AR: variants seen among roughly 807,000 people sequenced by gnomAD.
AR encodes the protein androgen receptor, also known as dihydrotestosterone receptor.
Under a neutral mutation model 53.9 loss-of-function variants are expected in AR, and 8 were observed. The observed-to-expected ratio is 0.15, with a 90% CI of 0.09 to 0.27. The LOEUF is 0.27. AR is among the 10% of genes least tolerant of loss of function. The probability of loss-of-function intolerance (pLI) is 1.00; values close to 1 mark genes in which losing one functional copy is unlikely to be tolerated. For missense variants in AR, 639 were observed against 742.5 expected, an observed-to-expected ratio of 0.86 and a Z score of 1.62; for synonymous variants, 359 against 316.4, an observed-to-expected ratio of 1.13 and a Z score of -1.43.
rs190357699 is a variant in AR, at chrX:67,564,914, T to C, written c.1616+18152T>C. ...TTCCCCCTGGTTTTCATCTTGTAAATCTGTAATCCTAAAAATTAGCAAAAC... is the reference window on the plus strand; with the variant it reads ...TTCCCCCTGGTTTTCATCTTGTAAACCTGTAATCCTAAAAATTAGCAAAAC... On this transcript the variant is annotated intron_variant, in intron 1 of 7. Transcript: ENST00000374690. 6.3e-5 allele frequency among the ~76,000 whole-genome samples: 7 copies of C among 111,926 alleles called. No individual in the cohort carries two copies. The East Asian group carries it at 1.1e-3, about 18-fold the overall frequency.
chrX:67,599,638 A>G (rs1390003305), intron 1 of AR, among the ~76,000 whole-genome samples: 2 of 112,046 alleles, frequency 1.8e-5, no homozygotes, highest in African/African-American at 6.5e-5. Context: ...ACCAACAAAA[A>G]TGAGTCCATG....
chrX:67,696,119 G>C, intron 3 of AR: 1 of 726,614 alleles, frequency 1.4e-6, no homozygotes, highest in Non-Finnish European at 1.6e-6. Flanking sequence ...AATTAATGCT[G>C]TTAACATTGG....
intron 2 of AR, among the ~76,000 whole-genome samples, chrX:67,672,639 A>G (rs774735907): frequency 7.2e-5 from 8 of 111,236 alleles, no homozygotes; most frequent in Non-Finnish European, 1.5e-4. Flanking sequence ...TAAAAACTCT[A>G]CATTTTAACT....
chrX:67,665,894 A>AT lies in AR; in HGVS notation c.1769-20109dup, dbSNP rs926065804. On this transcript the variant is annotated intron_variant, in intron 2 of 7. Coordinates refer to ENST00000374690, the MANE Select transcript of AR (RefSeq NM_000044.6). ...AGCCTTTCTCTGACTAGTTTCAGAC[A>AT]TTTTTTTCTGGGTAATTTTAAAGTT... Among the ~76,000 whole-genome samples, 7 of 110,936 alleles carry AT rather than the reference A, an allele frequency of 6.3e-5. No homozygotes were observed. The Admixed American group carries it at 6.7e-4, about 11-fold the overall frequency.
chrX:67,607,616 G>T (rs192217388), intron 1 of AR, among the ~76,000 whole-genome samples: 2 of 112,219 alleles, frequency 1.8e-5, no homozygotes, highest in East Asian at 5.6e-4. Flanking sequence ...CAGGGTTATT[G>T]TGAGCATCAA....
At chrX:67,693,262 T>C (rs182424382) in intron 3 of AR, among the ~76,000 whole-genome samples, 1 of 112,519 alleles carries the variant, frequency 8.9e-6, no homozygotes, top group Admixed American at 9.4e-5. Flanking sequence ...TTACTTTTAC[T>C]GTGAGTGCTC....
At position 67,631,667 on chromosome X, in the gene AR, G is replaced by T. The variant is rs189473480; in HGVS notation, c.1617-11589G>T. 2.9e-3 allele frequency among the ~76,000 whole-genome samples: 329 copies of T among 112,578 alleles called. 1 individual carries two copies. The highest frequency in any genetic ancestry group is 0.01 in the African/African-American group (312 of 31,031). On this transcript the variant is annotated intron_variant, in intron 1 of 7. Transcript: ENST00000374690. ...TCAAAGTCATTCTCTGTCCAGCTTTGTTCCGTTGCTGGTGAGGAACTGCGT... is the reference window on the plus strand; with the variant it reads ...TCAAAGTCATTCTCTGTCCAGCTTTTTTCCGTTGCTGGTGAGGAACTGCGT...
At chrX:67,576,052 T>C (rs1299478818) in intron 1 of AR, among the ~76,000 whole-genome samples, 2 of 111,753 alleles carry the variant, frequency 1.8e-5, no homozygotes, top group Non-Finnish European at 3.8e-5. Flanking sequence ...TTTTTATGTA[T>C]ACTATACAGG....
At chrX:67,641,221 C>T (rs750792142) in intron 1 of AR, among the ~76,000 whole-genome samples, 1 of 111,921 alleles carries the variant, frequency 8.9e-6, no homozygotes, top group African/African-American at 3.2e-5. Flanking sequence ...AACAAGTTTA[C>T]TTAATTGTTC....
chrX:67,680,936 C>T, intron 2 of AR: 1 of 238,199 alleles, frequency 4.2e-6, no homozygotes, highest in Non-Finnish European at 7.9e-6. Flanking sequence ...CAACATCAGA[C>T]AGTCAAGAAT....
At chrX:67,578,890 A>G (rs1255230757) in intron 1 of AR, among the ~76,000 whole-genome samples, 2 of 112,055 alleles carry the variant, frequency 1.8e-5, no homozygotes, top group Non-Finnish European at 1.9e-5. Context: ...GTTATCTGAC[A>G]TTTTGAAGAT....
chrX:67,724,809 G>A lies in AR; in HGVS notation c.*968G>A, dbSNP rs1207300555. The A allele has an allele frequency of 5.8e-6, 1 of 173,387 alleles. No individual in the cohort carries two copies. The highest frequency in any genetic ancestry group is 3.0e-5 in the African/African-American group (1 of 33,607). The allele number at this position is 173,387 out of a possible 1,213,427, so 14.3% of individuals were successfully genotyped here. ...ACCTTTGAACTGAATGTTCTCTTCA[G>A]CCAAAACTTGGCGACTTCCACAGAA... On this transcript the variant is annotated 3_prime_UTR_variant, in exon 8 of 8. Transcript: ENST00000374690.
intron 1 of AR, among the ~76,000 whole-genome samples, chrX:67,547,727 G>A (rs2147324611): frequency 9.0e-6 from 1 of 111,533 alleles, no homozygotes; most frequent in South Asian, 3.8e-4. Flanking sequence ...GGTGGAGTGA[G>A]GTTTTTTATT....
At chrX:67,576,938 A>G (rs192528455) in intron 1 of AR, among the ~76,000 whole-genome samples, 1 of 110,364 alleles carries the variant, frequency 9.1e-6, no homozygotes, top group African/African-American at 3.3e-5. Context: ...ATTAATATAA[A>G]ATGTACGTAC....
At chrX:67,630,900 G>A (rs1318822159) in intron 1 of AR, among the ~76,000 whole-genome samples, 1 of 110,169 alleles carries the variant, frequency 9.1e-6, no homozygotes, top group African/African-American at 3.3e-5. Flanking sequence ...CACTTATGAA[G>A]CTTAGTTTGG....
chrX:67,667,901 A>T (rs1163639736), intron 2 of AR, among the ~76,000 whole-genome samples: 1 of 111,537 alleles, frequency 9.0e-6, no homozygotes, highest in Non-Finnish European at 1.9e-5. Flanking sequence ...ACTGATTTTT[A>T]TGTGATGATT....
intron 2 of AR, among the ~76,000 whole-genome samples, chrX:67,678,126 T>C (rs1425028701): frequency 9.1e-6 from 1 of 109,887 alleles, no homozygotes; most frequent in African/African-American, 3.3e-5. Context: ...TCTAAAATGT[T>C]CCACAAAGCC....
intron 3 of AR, chrX:67,689,557 A>G: frequency 2.2e-5 from 21 of 963,476 alleles, no homozygotes; most frequent in Non-Finnish European, 2.8e-5. Flanking sequence ...TTTTTCTAGC[A>G]GCTGTTGTTG....
intron 1 of AR, among the ~76,000 whole-genome samples, chrX:67,602,418 A>G (rs946066099): frequency 2.7e-5 from 3 of 112,158 alleles, no homozygotes; most frequent in Non-Finnish European, 3.8e-5. Flanking sequence ...CACTCCCTTG[A>G]TTAGGCTTTG....
Sources: allele counts gnomAD v4.1 joint callset (sites outside exome capture counted in the v4.1 genomes callset), GRCh38; gene constraint gnomAD v4.1.1; transcripts MANE v1.5; gene names NCBI Gene and HGNC (gene_info 2026-07-23, HGNC 2026-07-21).